The following CDC25A variants were observed in gnomAD, a reference collection of about 807,000 sequenced individuals.
CDC25A encodes the protein cell division cycle 25A.
A neutral mutation model predicts 64.6 loss-of-function variants in CDC25A; 17 were observed. The ratio of observed to expected loss-of-function variants is 0.26; its 90% CI spans 0.18 to 0.39. The LOEUF (loss-of-function observed/expected upper bound fraction) is 0.39. CDC25A is among the 10% of genes least tolerant of loss of function. The pLI is 1.00. For synonymous variants in CDC25A, 229 were observed against 238.6 expected (o/e 0.96, Z 0.37); for missense variants, 473 against 654.8 (o/e 0.72, Z 3.03).
rs1194838068 is a variant in CDC25A at position 48,188,199 on chromosome 3, G to T, written c.-252C>A. ...CTCTCACACCGCGAGGCCAGCGGGC[G>T]GGCGGGCGCCGGCAACCTGAAGATT... On this transcript the variant is annotated 5_prime_UTR_variant, in exon 1 of 15. Coordinates refer to ENST00000302506, the MANE Select transcript of CDC25A (RefSeq NM_001789.3). 1 of 334,882 alleles carries T rather than the reference G, an allele frequency of 3.0e-6. No individual in the cohort carries two copies. 20.7% of individuals were successfully genotyped at this position (334,882 alleles called of 1,614,324 possible).
intron 4 of CDC25A, among the ~76,000 whole-genome samples, chr3:48,183,279 G>A (rs574000950): frequency 6.6e-6 from 1 of 152,098 alleles, no homozygotes; most frequent in Non-Finnish European, 1.5e-5. Flanking sequence ...CCTCAACAGG[G>A]ATTACAGTGC....
chr3:48,164,487 T>A, intron 12 of CDC25A, 50 bp from the exon 13 acceptor site: 1 of 1,439,000 alleles, frequency 6.9e-7, no homozygotes, highest in Non-Finnish European at 9.2e-7. Flanking sequence ...ACACATGAAG[T>A]AATGATTCAG....
intron 9 of CDC25A, among the ~76,000 whole-genome samples, chr3:48,168,453 G>A (rs2032135038): frequency 6.6e-6 from 1 of 150,644 alleles, no homozygotes; most frequent in Admixed American, 6.6e-5. Flanking sequence ...CTACTTGGGA[G>A]GCTGAAGTGG....
chr3:48,179,410 T>A (rs891230754), intron 6 of CDC25A, among the ~76,000 whole-genome samples: 1 of 152,160 alleles, frequency 6.6e-6, no homozygotes, highest in African/African-American at 2.4e-5. Context: ...GGATTCATTG[T>A]CCAGGCTGGA....
intron 12 of CDC25A, among the ~76,000 whole-genome samples, chr3:48,164,936 C>T (rs561203373): frequency 7.3e-5 from 11 of 150,054 alleles, no homozygotes; most frequent in African/African-American, 1.7e-4. Context: ...GGTGAAACCC[C>T]GTCTCTACTA....
intron 13 of CDC25A, among the ~76,000 whole-genome samples, chr3:48,159,776 C>T (rs894063842): frequency 1.3e-5 from 2 of 152,162 alleles, no homozygotes; most frequent in Admixed American, 1.3e-4. Flanking sequence ...CTTTCTCCAC[C>T]CCAGCCTTCT....
In CDC25A at chr3:48,157,517, C is replaced by CACCAG. The variant is rs2106669370; in HGVS notation, c.*1427_*1428insCTGGT. The CACCAG allele has an allele frequency of 6.5e-6, 1 of 152,782 alleles. No homozygotes were observed. Among genetic ancestry groups the CACCAG allele is most frequent in the Non-Finnish European group, 1.5e-5 (1 of 68,058 alleles). The allele number at this position is 152,782 out of a possible 1,614,324, so 9.5% of individuals were successfully genotyped here. ...CTCCTGTTTAAGAAAAACCCACCTA[C>CACCAG]ACCTCAGTGAAGCCGTGATGGTAAG... is the stretch of plus-strand genomic sequence containing the variant. On this transcript the variant is annotated 3_prime_UTR_variant, in exon 15 of 15. Transcript: ENST00000302506.
In CDC25A at chr3:48,161,922, A is replaced by C. The variant is rs147961865; in HGVS notation, c.1322+2385T>G. ...CTAAAAATACAAACATTAGCTTGGC[A>C]TGGTGGCATGCACCCGTAGTCCCAG... On this transcript the variant is annotated intron_variant, in intron 13 of 14. Transcript: ENST00000302506. Among the ~76,000 whole-genome samples the C allele has an allele frequency of 4.9e-4, 75 of 152,208 alleles. 2 individuals carry two copies. In the East Asian group the frequency reaches 0.013, roughly 26 times the overall value.
At chr3:48,164,170 A>T (rs2031906341) in intron 13 of CDC25A, 137 bp downstream of exon 13, 1 of 724,024 alleles carries the variant, frequency 1.4e-6, no homozygotes, top group Non-Finnish European at 2.2e-6. Context: ...ATAAAATTAC[A>T]TATGAAAATG....
chr3:48,163,906 T>C (rs1430275203), intron 13 of CDC25A, among the ~76,000 whole-genome samples: 2 of 152,244 alleles, frequency 1.3e-5, no homozygotes, highest in East Asian at 3.9e-4. Flanking sequence ...GCAATCCTTT[T>C]AGAATGGACA....
At chr3:48,163,749 C>T (rs2031888628) in intron 13 of CDC25A, among the ~76,000 whole-genome samples, 1 of 152,234 alleles carries the variant, frequency 6.6e-6, no homozygotes, top group Admixed American at 6.5e-5. Context: ...TACCTCTCTG[C>T]CTGTCCTCCT....
chr3:48,169,809 A>G (rs927545774), intron 9 of CDC25A, among the ~76,000 whole-genome samples: 5 of 151,946 alleles, frequency 3.3e-5, no homozygotes, highest in African/African-American at 1.2e-4. Context: ...GGGGTTCGAG[A>G]CCAGCCTTGC....
intron 13 of CDC25A, among the ~76,000 whole-genome samples, chr3:48,161,744 G>C (rs2031774788): frequency 6.6e-6 from 1 of 151,990 alleles, no homozygotes; most frequent in Non-Finnish European, 1.5e-5. Context: ...ATCTTTTGTG[G>C]GTTTAAAAAC....
At chr3:48,172,784 A>G (rs1031550900) in intron 9 of CDC25A, among the ~76,000 whole-genome samples, 1 of 152,198 alleles carries the variant, frequency 6.6e-6, no homozygotes, top group Non-Finnish European at 1.5e-5. Context: ...GGACTGCTTG[A>G]GCCTGGGAGG....
In CDC25A at chr3:48,158,205, T is replaced by C. The variant is rs3731563; in HGVS notation, c.*740A>G. Reference sequence around the variant, plus strand: ...TGGTGGGTCTGGGAGATTTAGCTTATGTCAGGCAGCCAAGCCTGGGTCCAA... The same window carrying C: ...TGGTGGGTCTGGGAGATTTAGCTTACGTCAGGCAGCCAAGCCTGGGTCCAA... On this transcript the variant is annotated 3_prime_UTR_variant, in exon 15 of 15. Coordinates refer to ENST00000302506, the MANE Select transcript of CDC25A (RefSeq NM_001789.3). 9.1e-3 allele frequency: 1,397 copies of C among 152,730 alleles called. 9 individuals are homozygous for C. Among genetic ancestry groups the C allele is most frequent in the Non-Finnish European group, 0.015 (1,009 of 68,032 alleles). 9.5% of individuals were successfully genotyped at this position (152,730 alleles called of 1,614,324 possible).
intron 9 of CDC25A, among the ~76,000 whole-genome samples, chr3:48,173,370 G>T (rs1033453573): frequency 9.9e-5 from 15 of 152,112 alleles, no homozygotes; most frequent in African/African-American, 3.6e-4. Flanking sequence ...GAAATTCATA[G>T]ATTCAAATAG....
intron 6 of CDC25A, among the ~76,000 whole-genome samples, chr3:48,178,740 C>T (rs1457305174): frequency 5.3e-5 from 8 of 152,136 alleles, no homozygotes; most frequent in Admixed American, 4.6e-4. Context: ...ATTAAAATGG[C>T]GGTACCTCAT....
intron 8 of CDC25A, 105 bp from the exon 9 acceptor site, chr3:48,174,562 C>A: frequency 2.7e-6 from 3 of 1,121,476 alleles, no homozygotes; most frequent in Non-Finnish European, 3.8e-6. Flanking sequence ...AAGATCAATT[C>A]TAAATTAGCC....
rs893458853 is a variant in CDC25A, at chr3:48,182,862, T to G, written c.429+67A>C. ...GTCTCCCAGAAAGCAGCCCAGCCAC[T>G]TCTAAGCCACTGACAGCCTGTGGGT... is the stretch of plus-strand genomic sequence containing the variant. On this transcript the variant is annotated intron_variant, in intron 5 of 14. Transcript: ENST00000302506. 1.7e-5 allele frequency: 18 copies of G among 1,057,956 alleles called. No homozygotes were observed. In the African/African-American group the frequency reaches 2.2e-4, roughly 13 times the overall value. 65.5% of individuals were successfully genotyped at this position (1,057,956 alleles called of 1,614,324 possible). A position where few individuals can be genotyped will look rare whatever the true frequency, so the allele number is the denominator to read the frequency against.
Sources: gnomAD v4.1 joint callset for allele counts (sites outside exome capture counted in the v4.1 genomes callset) on GRCh38, gnomAD v4.1.1 for gene constraint, MANE v1.5 for transcripts, NCBI Gene and HGNC (gene_info 2026-07-23, HGNC 2026-07-21) for gene names.